Variants in ZNF823 observed in about 807,000 individuals in gnomAD.
The protein encoded by ZNF823 is zinc finger protein 823.
In ZNF823, 5 loss-of-function variants were observed where a neutral mutation model predicts 11.4. The ratio of observed to expected loss-of-function variants is 0.44; its 90% CI spans 0.23 to 0.92. The LOEUF is 0.92. Among genes scored for constraint, ZNF823 ranks in the 40% least tolerant of loss-of-function variants. The probability of loss-of-function intolerance (pLI) is 0.24; values close to 1 mark genes in which losing one functional copy is unlikely to be tolerated. For missense variants in ZNF823, 582 were observed against 738.5 expected (o/e 0.79, Z 2.46); for synonymous variants, 234 against 250.5 (o/e 0.93, Z 0.62).
chr19:11,722,463 C>G lies in ZNF823; in HGVS notation c.1071G>C (p.Glu357Asp). 6.2e-7 allele frequency: 1 copy of G among 1,614,198 alleles called. No homozygotes were observed. Among genetic ancestry groups the G allele is most frequent in the Non-Finnish European group, 8.5e-7 (1 of 1,180,036 alleles). ...CACACTGCTTACATTCATAGGGTTT[C>G]TCTCCAGTGTGAGTAGTTTCATGAT... Reference protein sequence around the residue: ...VRNHETTHTGEKPYECKQCGK... With the variant: ...VRNHETTHTGDKPYECKQCGK... Residue 357 changes from glutamate to aspartate, a missense_variant, in exon 4 of 4, where the codon GAG becomes GAC. Around this residue, in one of 3 missense-constraint regions of ZNF823, gnomAD observed 429 missense variants for 553.7 expected, o/e 0.77. Transcript: ENST00000341191. The surrounding 1 kb of genome is among the most constrained non-coding windows in gnomAD (Gnocchi z 5.2).
At chr19:11,723,445 G>T in intron 3 of ZNF823, 103 bp from the exon 4 acceptor site, 1 of 1,019,570 alleles carries the variant, frequency 9.8e-7, no homozygotes, top group East Asian at 2.6e-5. Context: ...GCAAAGTACA[G>T]GCTTCATCCC....
chr19:11,737,586 C>T (rs1462586474), intron 1 of ZNF823, among the ~76,000 whole-genome samples: 2 of 112,824 alleles, frequency 1.8e-5, no homozygotes, highest in Admixed American at 1.0e-4. Flanking sequence ...TTTTTTTTCA[C>T]ACTGGAGTCA....
At chr19:11,732,447 G>T (rs1013823741) in intron 1 of ZNF823, among the ~76,000 whole-genome samples, 2 of 150,670 alleles carry the variant, frequency 1.3e-5, no homozygotes, top group South Asian at 2.1e-4. Flanking sequence ...TTACAGGCAT[G>T]AGCCACCGCG....
chr19:11,729,426 A>G (rs969526712), intron 1 of ZNF823, among the ~76,000 whole-genome samples: 2 of 152,218 alleles, frequency 1.3e-5, no homozygotes, highest in Non-Finnish European at 1.5e-5. Flanking sequence ...CATAATAATC[A>G]TTAATATCTA....
At chr19:11,734,250 AAAAAG>A (rs1325892304) in intron 1 of ZNF823, among the ~76,000 whole-genome samples, 1 of 151,782 alleles carries the variant, frequency 6.6e-6, no homozygotes, top group Non-Finnish European at 1.5e-5. Flanking sequence ...CAAAAAAAAA[AAAAAG>A]AAAGAAAGAA....
At chr19:11,737,581 TTTC>T (rs557720204) in intron 1 of ZNF823, among the ~76,000 whole-genome samples, 38,623 of 137,800 alleles carry the variant, frequency 0.28, 5,821 homozygotes, top group South Asian at 0.37. Flanking sequence ...TTTTTTTTTT[TTTC>T]ACACTGGAGT....
intron 1 of ZNF823, among the ~76,000 whole-genome samples, chr19:11,726,560 C>A (rs1974796460): frequency 6.6e-6 from 1 of 151,798 alleles, no homozygotes; most frequent in Non-Finnish European, 1.5e-5. Context: ...CAGGAGTAGG[C>A]CTAGTGTCCT....
At position 11,722,490 on chromosome 19, in the gene ZNF823, T is replaced by G; in HGVS notation, c.1044A>C (p.Arg348=). 6.2e-7 allele frequency: 1 copy of G among 1,614,150 alleles called. No individual in the cohort carries two copies. The highest frequency in any genetic ancestry group is 8.5e-7 in the Non-Finnish European group (1 of 1,180,024). Residue 348 remains arginine (R), a synonymous_variant, in exon 4 of 4, where the codon CGA becomes CGC. Coordinates refer to ENST00000341191, the MANE Select transcript of ZNF823 (RefSeq NM_001080493.4). This position sits in a 1 kb window ranked among gnomAD's most constrained non-coding sequence, Gnocchi z 5.2. ...GKGFDCPSSV[R]NHETTHTGEK... is the part of the protein sequence containing the mutation. ...CTCCAGTGTGAGTAGTTTCATGATT[T>G]CGAACTGAACTAGGACAATCAAAGC...
intron 1 of ZNF823, among the ~76,000 whole-genome samples, chr19:11,737,560 C>A (rs1346535511): frequency 1.8e-5 from 2 of 110,492 alleles, no homozygotes; most frequent in Non-Finnish European, 3.7e-5. Context: ...CCGCGCCCGG[C>A]TTTTTTTTTT....
At chr19:11,727,529 AAAC>A (rs1490184609) in intron 1 of ZNF823, among the ~76,000 whole-genome samples, 1 of 152,058 alleles carries the variant, frequency 6.6e-6, no homozygotes, top group East Asian at 1.9e-4. Context: ...AACAAACAAA[AAAC>A]AATAACAACA....
intron 1 of ZNF823, among the ~76,000 whole-genome samples, chr19:11,732,169 CTT>C (rs1170787951): frequency 2.2e-5 from 3 of 135,526 alleles, no homozygotes; most frequent in East Asian, 2.2e-4. Flanking sequence ...AAAGGTTTCC[CTT>C]TTTTTTTTTT....
intron 1 of ZNF823, among the ~76,000 whole-genome samples, chr19:11,731,012 A>AC (rs1216290399): frequency 1.3e-5 from 2 of 151,640 alleles, no homozygotes; most frequent in Non-Finnish European, 2.9e-5. Flanking sequence ...AAAAAAAAAA[A>AC]AAAAAAAAAA....
At position 11,722,539 on chromosome 19, in the gene ZNF823, T is replaced by C. The variant is rs1974707115; in HGVS notation, c.995A>G (p.His332Arg). The part of the protein sequence containing the change: ...HMIRHTGDGP[H>R]KCKICGKGFD... ...GCCTTTCCCACATATCTTACATTTATGTGGTCCGTCTCCAGTGTGCCTTAT... is the reference window on the plus strand; with the variant it reads ...GCCTTTCCCACATATCTTACATTTACGTGGTCCGTCTCCAGTGTGCCTTAT... The change falls in exon 4 of 4, where the codon CAT (histidine) becomes CGT (arginine). Residue 332 changes from histidine (H) to arginine (R), a missense_variant. His to Arg is a conservative substitution (Grantham distance 29). This residue lies in a region of ZNF823 where 429 missense variants were observed against 553.7 expected (regional missense o/e 0.77). Coordinates refer to ENST00000341191, the MANE Select transcript of ZNF823 (RefSeq NM_001080493.4). This position sits in a 1 kb window ranked among gnomAD's most constrained non-coding sequence, Gnocchi z 5.2. The C allele has an allele frequency of 6.2e-7, 1 of 1,614,230 alleles. No individual in the cohort carries two copies.
intron 1 of ZNF823, among the ~76,000 whole-genome samples, chr19:11,735,999 T>A (rs1974986176): frequency 6.7e-6 from 1 of 148,914 alleles, no homozygotes. Flanking sequence ...CATTAGTCTG[T>A]CAAGTCCACA....
In ZNF823 at chr19:11,735,740, A is replaced by T. The variant is rs1974981814; in HGVS notation, c.3+3077T>A. On this transcript the variant is annotated intron_variant, in intron 1 of 3. Coordinates refer to ENST00000341191, the MANE Select transcript of ZNF823 (RefSeq NM_001080493.4). The stretch of plus-strand genomic sequence containing the variant: ...CCTTACATGCCTTACATGGGTATTT[A>T]AAAAAAAAAATACCCATGTGTGATG... Among the ~76,000 whole-genome samples the T allele has an allele frequency of 2.7e-5, 4 of 147,640 alleles. No individual in the cohort carries two copies. The Admixed American group carries it at 2.7e-4, about 10-fold the overall frequency.
chr19:11,723,834 C>T (rs1002660149), intron 3 of ZNF823, among the ~76,000 whole-genome samples: 17 of 152,046 alleles, frequency 1.1e-4, no homozygotes, highest in South Asian at 6.2e-4. Context: ...CGTGAGCCAC[C>T]GCTCCTGGCC....
Position 11,738,847 on chromosome 19 carries a change from C to T in ZNF823, c.-28G>A, listed in dbSNP as rs1486049710. On this transcript the variant is annotated 5_prime_UTR_variant, in exon 1 of 4. Transcript: ENST00000341191. ...CCCAGCTTCCAGGTGTCCGGGTGTC[C>T]TCCTTAAAAGCCAGTGTGGGTCCCA... 6.2e-7 allele frequency: 1 copy of T among 1,607,012 alleles called. No individual in the cohort carries two copies.
rs1347599332 is a variant in ZNF823, at chr19:11,722,689, CCA to C, written c.843_844del (p.Cys281TrpfsTer14). 6.2e-7 allele frequency: 1 copy of C among 1,614,002 alleles called. No homozygotes were observed. The highest frequency in any genetic ancestry group is 8.5e-7 in the Non-Finnish European group (1 of 1,180,018). On this transcript the variant is annotated frameshift_variant, in exon 4 of 4. Transcript: ENST00000341191. LOFTEE classifies it low-confidence loss of function (END_TRUNC). The surrounding 1 kb of genome is among the most constrained non-coding windows in gnomAD (Gnocchi z 5.2). ...GTAATAGTAACAGCTGAAGGCTTTC[CCA>C]CATTGTGTACATTTATAGGGTTTCT...
intron 1 of ZNF823, chr19:11,730,655 A>C (rs1974876371): frequency 6.6e-6 from 1 of 152,182 alleles, no homozygotes; most frequent in African/African-American, 2.4e-5. Flanking sequence ...AAAAATGCTC[A>C]ACACCGATGT....
Sources: gnomAD v4.1 joint callset for allele counts (sites outside exome capture counted in the v4.1 genomes callset) on GRCh38, gnomAD v4.1.1 for gene constraint, gnomAD v4.1.1 regional missense constraint, Gnocchi (gnomAD v3.1) non-coding constraint, MANE v1.5 for transcripts, NCBI Gene and HGNC (gene_info 2026-07-23, HGNC 2026-07-21) for gene names.